IMMP2L: variants seen among roughly 807,000 people sequenced by gnomAD.
IMMP2L encodes the protein mitochondrial inner membrane protease subunit 2.
In IMMP2L, 18 loss-of-function variants were observed where a neutral mutation model predicts 19.3. The observed-to-expected ratio is 0.93, with a 90% confidence interval of 0.64 to 1.38. IMMP2L has a LOEUF of 1.38. IMMP2L is among the 40% of genes most tolerant of loss of function. IMMP2L has a pLI of 0.00. For missense variants in IMMP2L, 233 were observed against 218.2 expected (o/e 1.07, Z -0.43); for synonymous variants, 76 against 73.0 (o/e 1.04, Z -0.21).
At chr7:111,073,169 T>G (rs1186631576) in intron 3 of IMMP2L, among the ~76,000 whole-genome samples, 3 of 152,090 alleles carry the variant, frequency 2.0e-5, no homozygotes, top group African/African-American at 7.2e-5. Context: ...CAATGCACTT[T>G]CAAATAAGTC....
At chr7:111,092,862 C>T (rs1315940716) in intron 3 of IMMP2L, among the ~76,000 whole-genome samples, 1 of 152,186 alleles carries the variant, frequency 6.6e-6, no homozygotes, top group East Asian at 1.9e-4. Flanking sequence ...CTGGAGCTCT[C>T]TCCTGCCTTC....
chr7:111,484,468 A>G (rs1374676062), intron 3 of IMMP2L, among the ~76,000 whole-genome samples: 1 of 152,180 alleles, frequency 6.6e-6, no homozygotes, highest in Admixed American at 6.5e-5. Flanking sequence ...AATGAAGTAT[A>G]CTGTTAATAT....
chr7:111,208,488 CT>C (rs1562927998), intron 3 of IMMP2L, among the ~76,000 whole-genome samples: 1 of 152,146 alleles, frequency 6.6e-6, no homozygotes, highest in African/African-American at 2.4e-5. Flanking sequence ...GCCCAGAGAA[CT>C]GACATTTTTA....
intron 4 of IMMP2L, among the ~76,000 whole-genome samples, chr7:110,926,980 C>T (rs1012172528): frequency 6.6e-6 from 1 of 152,110 alleles, no homozygotes; most frequent in African/African-American, 2.4e-5. Flanking sequence ...ATTCCTTGCC[C>T]TTGAATTTGG....
Position 110,742,462 on chromosome 7 carries a change from G to A in IMMP2L, c.409-78741C>T, listed in dbSNP as rs529378274. On this transcript the variant is annotated intron_variant, in intron 5 of 5. Coordinates refer to ENST00000405709, the MANE Select transcript of IMMP2L (RefSeq NM_032549.4). ...ACAGCCATGCAATGAAACACTATGC[G>A]ACTATTAAAAATTATACTTTCAACC... Among the ~76,000 whole-genome samples the A allele has an allele frequency of 7.9e-5, 12 of 152,136 alleles. No individual in the cohort carries two copies. In the East Asian group the frequency reaches 1.2e-3, roughly 15 times the overall value.
intron 3 of IMMP2L, among the ~76,000 whole-genome samples, chr7:111,416,745 G>T (rs905673346): frequency 6.6e-6 from 1 of 151,506 alleles, no homozygotes; most frequent in African/African-American, 2.4e-5. Flanking sequence ...CATAATATTT[G>T]TCCATAATTA....
At chr7:111,358,327 C>G (rs1360823953) in intron 3 of IMMP2L, among the ~76,000 whole-genome samples, 1 of 151,576 alleles carries the variant, frequency 6.6e-6, no homozygotes, top group Non-Finnish European at 1.5e-5. Context: ...GTTACTTAGG[C>G]AACCCCGAAA....
chr7:111,129,780 C>G (rs117936295), intron 3 of IMMP2L, among the ~76,000 whole-genome samples: 1 of 151,932 alleles, frequency 6.6e-6, no homozygotes, highest in African/African-American at 2.4e-5. Context: ...CCTAGATTTA[C>G]GTTATTCTTC....
At chr7:110,906,420 G>T (rs760509334) in intron 4 of IMMP2L, among the ~76,000 whole-genome samples, 19 of 152,172 alleles carry the variant, frequency 1.2e-4, no homozygotes, top group Non-Finnish European at 4.4e-5. Flanking sequence ...TCTAGGTGAA[G>T]AATCCATTTA....
At chr7:111,260,180 T>C (rs755863309) in intron 3 of IMMP2L, among the ~76,000 whole-genome samples, 2 of 152,214 alleles carry the variant, frequency 1.3e-5, no homozygotes, top group Non-Finnish European at 1.5e-5. Context: ...GATTACGTAA[T>C]GTACAAAATT....
At chr7:111,550,568 T>C (rs1849358394) in intron 1 of IMMP2L, among the ~76,000 whole-genome samples, 1 of 152,112 alleles carries the variant, frequency 6.6e-6, no homozygotes, top group South Asian at 2.1e-4. Flanking sequence ...GTAAATGGGA[T>C]ATCTCTGTAC....
chr7:110,833,375 G>C (rs1804141753), intron 5 of IMMP2L, among the ~76,000 whole-genome samples: 1 of 150,040 alleles, frequency 6.7e-6, no homozygotes, highest in Non-Finnish European at 1.5e-5. Flanking sequence ...GGAGGCAGAG[G>C]TCGCAGTGAG....
At chr7:111,120,958 A>T (rs972938838) in intron 3 of IMMP2L, among the ~76,000 whole-genome samples, 1 of 151,936 alleles carries the variant, frequency 6.6e-6, no homozygotes, top group African/African-American at 2.4e-5. Context: ...AGCCATGAAC[A>T]GTTGAAAGAT....
intron 3 of IMMP2L, among the ~76,000 whole-genome samples, chr7:111,089,107 A>T (rs1796595089): frequency 6.6e-6 from 1 of 152,202 alleles, no homozygotes; most frequent in African/African-American, 2.4e-5. Context: ...TTTAGTTAAA[A>T]CAACTTCCTA....
intron 3 of IMMP2L, among the ~76,000 whole-genome samples, chr7:111,420,050 G>C (rs1009090411): frequency 2.0e-5 from 3 of 151,772 alleles, no homozygotes; most frequent in African/African-American, 7.3e-5. Context: ...TAATGTCATT[G>C]AACTGTACAC....
chr7:111,161,681 T>A (rs1028456820), intron 3 of IMMP2L, among the ~76,000 whole-genome samples: 1 of 151,996 alleles, frequency 6.6e-6, no homozygotes, highest in African/African-American at 2.4e-5. Context: ...AGGATGTGAA[T>A]AATAAGTATG....
intron 3 of IMMP2L, among the ~76,000 whole-genome samples, chr7:111,149,571 C>T (rs975482029): frequency 6.6e-6 from 1 of 152,098 alleles, no homozygotes; most frequent in African/African-American, 2.4e-5. Flanking sequence ...ACATACCTAA[C>T]TTTTCTTAAC....
intron 5 of IMMP2L, among the ~76,000 whole-genome samples, chr7:110,707,013 T>TTTA (rs1336103232): frequency 1.8e-4 from 25 of 142,272 alleles, no homozygotes; most frequent in Non-Finnish European, 3.2e-4. Context: ...AATTTTTTTT[T>TTTA]TTTTATTATA....
At chr7:110,928,853 G>A (rs1249226126) in intron 4 of IMMP2L, among the ~76,000 whole-genome samples, 2 of 152,082 alleles carry the variant, frequency 1.3e-5, no homozygotes, top group African/African-American at 2.4e-5. Flanking sequence ...CCAGGTTCCT[G>A]AGCAGAGGTA....
Sources: gnomAD v4.1 joint callset for allele counts (sites outside exome capture counted in the v4.1 genomes callset) on GRCh38, gnomAD v4.1.1 for gene constraint, MANE v1.5 for transcripts, NCBI Gene and HGNC (gene_info 2026-07-23, HGNC 2026-07-21) for gene names.